SORCS2: variants seen among roughly 807,000 people sequenced by gnomAD.
SORCS2 encodes VPS10 domain-containing receptor SorCS2.
Under a neutral mutation model 141.6 loss-of-function variants are expected in SORCS2, and 100 were observed. The ratio of observed to expected loss-of-function variants is 0.71; its 90% CI spans 0.60 to 0.83. The LOEUF (loss-of-function observed/expected upper bound fraction) is 0.83, where lower values mean the gene tolerates loss of function less well. Ranked by LOEUF, SORCS2 falls within the 40% of genes least tolerant of loss-of-function variation. SORCS2 has a pLI of 0.00. For synonymous variants in SORCS2, 789 were observed against 676.9 expected (o/e 1.17, Z -2.57); for missense variants, 1,646 against 1,560.2 (o/e 1.05, Z -0.93).
Position 7,648,600 on chromosome 4 carries a change from G to A in SORCS2, c.814-5534G>A, listed in dbSNP as rs1463228448. Among the ~76,000 whole-genome samples the A allele has an allele frequency of 1.3e-5, 2 of 151,504 alleles. No individual in the cohort carries two copies. Among genetic ancestry groups the A allele is most frequent in the African/African-American group, 2.4e-5 (1 of 41,326 alleles). On this transcript the variant is annotated intron_variant, in intron 4 of 26. Transcript: ENST00000507866. This position sits in a 1 kb window ranked among gnomAD's most constrained non-coding sequence, Gnocchi z 4.2. ...TAGATGAGGATGGGGGCGCAGAGCA[G>A]ATGACGAGGGATGGGTTAGAAGCTG...
intron 7 of SORCS2, among the ~76,000 whole-genome samples, chr4:7,665,396 G>T (rs969310571): frequency 6.6e-6 from 1 of 152,170 alleles, no homozygotes; most frequent in Non-Finnish European, 1.5e-5. Context: ...AGTCTCCACT[G>T]CTCTCTGCTG....
rs551233684 is a variant in SORCS2, at chr4:7,546,197, T to C, written c.648+14568T>C. Among the ~76,000 whole-genome samples, 51 of 152,228 alleles carry C rather than the reference T, an allele frequency of 3.4e-4. 1 individual carries two copies. The East Asian group carries it at 8.7e-3, about 26-fold the overall frequency. The stretch of plus-strand genomic sequence containing the variant: ...CTTTGTCCAGACCACTTTTCTTCTA[T>C]CGTGGGAGGTGGGAGGTCACGTTCC... On this transcript the variant is annotated intron_variant, in intron 3 of 26. Coordinates refer to ENST00000507866, the MANE Select transcript of SORCS2 (RefSeq NM_020777.3).
At chr4:7,560,031 G>A (rs1324168764) in intron 3 of SORCS2, among the ~76,000 whole-genome samples, 3 of 152,208 alleles carry the variant, frequency 2.0e-5, no homozygotes, top group African/African-American at 7.2e-5. Flanking sequence ...TAAAGGCGGG[G>A]AGGCTTCTGT....
chr4:7,514,940 A>C lies in SORCS2; in HGVS notation c.549-16590A>C, dbSNP rs1228967907. Among the ~76,000 whole-genome samples, 13 of 152,250 alleles carry C rather than the reference A, an allele frequency of 8.5e-5. No homozygotes were observed. In the East Asian group the frequency reaches 2.5e-3, roughly 29 times the overall value. Reference sequence around the variant, plus strand: ...TACTCTTAACTGGCAGGATGTGTCCAAGGGCTCAGAGGTCACCCCCCAGGA... The same window carrying C: ...TACTCTTAACTGGCAGGATGTGTCCCAGGGCTCAGAGGTCACCCCCCAGGA... On this transcript the variant is annotated intron_variant, in intron 2 of 26. Transcript: ENST00000507866.
intron 3 of SORCS2, among the ~76,000 whole-genome samples, chr4:7,566,007 ATAATG>A (rs1441248420): frequency 1.5e-3 from 4 of 2,724 alleles, no homozygotes; most frequent in Non-Finnish European, 3.9e-3. Flanking sequence ...GATGATGGTG[ATAATG>A]ATGGTGATGA....
At chr4:7,425,172 C>T (rs1726342592) in intron 2 of SORCS2, among the ~76,000 whole-genome samples, 1 of 152,246 alleles carries the variant, frequency 6.6e-6, no homozygotes, top group African/African-American at 2.4e-5. Context: ...AGGAACAGCA[C>T]ACCACGCAGG....
At chr4:7,462,690 G>T (rs1041030795) in intron 2 of SORCS2, among the ~76,000 whole-genome samples, 3 of 151,768 alleles carry the variant, frequency 2.0e-5, no homozygotes, top group Admixed American at 6.6e-5. Context: ...CCTGGCTCTG[G>T]GTCTGGCACG....
At chr4:7,585,426 C>T (rs917092103) in intron 3 of SORCS2, among the ~76,000 whole-genome samples, 1 of 152,202 alleles carries the variant, frequency 6.6e-6, no homozygotes, top group East Asian at 1.9e-4. Context: ...CTCTGGGGCC[C>T]TCAGGAGGTG....
intron 11 of SORCS2, among the ~76,000 whole-genome samples, chr4:7,693,580 C>G (rs980767119): frequency 6.6e-6 from 1 of 152,224 alleles, no homozygotes; most frequent in Non-Finnish European, 1.5e-5. Context: ...AGCTGATCAT[C>G]CAGACGTCCT....
chr4:7,737,238 C>T (rs1387212830), intron 26 of SORCS2, 66 bp downstream of exon 26: 3 of 1,543,256 alleles, frequency 1.9e-6, no homozygotes, highest in East Asian at 4.9e-5. Context: ...CAAACCCACC[C>T]CGCCCTCCCA....
intron 2 of SORCS2, among the ~76,000 whole-genome samples, chr4:7,504,788 C>A (rs1423521299): frequency 6.6e-6 from 1 of 152,226 alleles, no homozygotes; most frequent in Non-Finnish European, 1.5e-5. Context: ...CCCAGTCCTG[C>A]CTGAACCATG....
At chr4:7,451,025 G>GGAATGAGTGAGT (rs577489658) in intron 2 of SORCS2, among the ~76,000 whole-genome samples, 1 of 151,538 alleles carries the variant, frequency 6.6e-6, no homozygotes, top group Non-Finnish European at 1.5e-5. Flanking sequence ...AGGAAGTGAG[G>GGAATGAGTGAGT]GAATGAGTGA....
At chr4:7,349,647 C>G (rs945459886) in intron 1 of SORCS2, among the ~76,000 whole-genome samples, 2 of 152,204 alleles carry the variant, frequency 1.3e-5, no homozygotes, top group African/African-American at 4.8e-5. Flanking sequence ...AGTGAGCAGA[C>G]CTCAAGCCAG....
chr4:7,657,790 GTGAA>G (rs1721885744), intron 5 of SORCS2, among the ~76,000 whole-genome samples: 2 of 151,922 alleles, frequency 1.3e-5, no homozygotes, highest in Non-Finnish European at 1.5e-5. Context: ...GACTGGGTGA[GTGAA>G]TGAGTGAGTG....
At chr4:7,596,005 C>T (rs545461876) in intron 3 of SORCS2, among the ~76,000 whole-genome samples, 3 of 152,268 alleles carry the variant, frequency 2.0e-5, no homozygotes, top group Non-Finnish European at 2.9e-5. Flanking sequence ...CACGGCAACC[C>T]GCGGTTTCTC....
intron 2 of SORCS2, among the ~76,000 whole-genome samples, chr4:7,490,808 G>A (rs925430983): frequency 1.3e-5 from 2 of 152,042 alleles, no homozygotes; most frequent in Non-Finnish European, 2.9e-5. Context: ...CATCTCCCTC[G>A]GGGTGTCCCC....
At chr4:7,282,951 A>C (rs540095959) in intron 1 of SORCS2, among the ~76,000 whole-genome samples, 1 of 152,350 alleles carries the variant, frequency 6.6e-6, no homozygotes, top group East Asian at 1.9e-4. Context: ...TGATTCATTC[A>C]CACTCATTAA....
At chr4:7,370,950 G>A (rs1254062060) in intron 1 of SORCS2, among the ~76,000 whole-genome samples, 1 of 152,212 alleles carries the variant, frequency 6.6e-6, no homozygotes, top group Non-Finnish European at 1.5e-5. Context: ...CCCCTGTCTA[G>A]GAGCCTGCCC....
chr4:7,485,153 T>G (rs1730897907), intron 2 of SORCS2, among the ~76,000 whole-genome samples: 1 of 152,172 alleles, frequency 6.6e-6, no homozygotes, highest in African/African-American at 2.4e-5. Context: ...CACTTTCGTT[T>G]GCTCACCTTC....
Sources: allele counts gnomAD v4.1 joint callset (sites outside exome capture counted in the v4.1 genomes callset), GRCh38; gene constraint gnomAD v4.1.1; non-coding constraint Gnocchi (gnomAD v3.1); transcripts MANE v1.5; gene names NCBI Gene and HGNC (gene_info 2026-07-23, HGNC 2026-07-21).